Variants in CHRNB3 observed in about 807,000 individuals in gnomAD.
CHRNB3 encodes the protein cholinergic receptor nicotinic beta 3 subunit, also known as neuronal acetylcholine receptor subunit beta-3.
Under a neutral mutation model 40.6 loss-of-function variants are expected in CHRNB3, and 37 were observed. That is an observed-to-expected ratio of 0.91 (90% CI 0.70 to 1.20). The LOEUF (loss-of-function observed/expected upper bound fraction) is 1.20, where lower values mean the gene tolerates loss of function less well. Among genes scored for constraint, CHRNB3 ranks in the 50% most tolerant of loss-of-function variants. The probability of loss-of-function intolerance (pLI) is 0.00; values close to 1 mark genes in which losing one functional copy is unlikely to be tolerated. For synonymous variants in CHRNB3, 207 were observed against 207.1 expected (o/e 1.00, Z 0.00); for missense variants, 505 against 551.2 (o/e 0.92, Z 0.84).
chr8:42,722,460 C>T (rs983288287), intron 3 of CHRNB3, among the ~76,000 whole-genome samples: 18 of 152,330 alleles, frequency 1.2e-4, no homozygotes, highest in Middle Eastern at 3.4e-3. Context: ...GCCTGTGTCC[C>T]TGTGGCGCAT....
chr8:42,708,850 A>G lies in CHRNB3; in HGVS notation c.186A>G (p.Ile62Met), dbSNP rs1361392949. Residue 62 changes from isoleucine (I) to methionine (M), a missense_variant, in exon 2 of 6, where the codon ATA becomes ATG. Transcript: ENST00000289957. ...DTIKVYFGLK[I>M]SQLVDVDEKN... ...TAAAAGTATATTTTGGATTGAAAAT[A>G]TCCCAGCTTGTAGATGTGGTGAGTA... 6.2e-7 allele frequency: 1 copy of G among 1,613,242 alleles called. No homozygotes were observed. Among genetic ancestry groups the G allele is most frequent in the East Asian group, 2.2e-5 (1 of 44,892 alleles).
At chr8:42,717,066 T>G (rs1438340754) in intron 3 of CHRNB3, among the ~76,000 whole-genome samples, 1 of 151,956 alleles carries the variant, frequency 6.6e-6, no homozygotes, top group Non-Finnish European at 1.5e-5. Flanking sequence ...TGGAGCTGAT[T>G]TCCCAGGAAA....
chr8:42,701,226 C>CAAAGAAAAAA (rs1815790438), intron 1 of CHRNB3, among the ~76,000 whole-genome samples: 1 of 71,460 alleles, frequency 1.4e-5, no homozygotes, highest in Admixed American at 2.0e-4. Context: ...GACTCTGTCT[C>CAAAGAAAAAA]AAAAAAAAAA....
chr8:42,721,343 T>C (rs1377214419), intron 3 of CHRNB3, among the ~76,000 whole-genome samples: 2 of 152,206 alleles, frequency 1.3e-5, no homozygotes, highest in Non-Finnish European at 2.9e-5. Flanking sequence ...TCTGGGAGTC[T>C]CTGGGCTTCC....
chr8:42,729,271 G>C (rs964409386), intron 3 of CHRNB3, among the ~76,000 whole-genome samples: 3 of 151,964 alleles, frequency 2.0e-5, no homozygotes, highest in South Asian at 2.1e-4. Flanking sequence ...TTAGCCGGGC[G>C]TGGTGGCGGG....
At chr8:42,713,981 A>G (rs1000426782) in intron 3 of CHRNB3, among the ~76,000 whole-genome samples, 2 of 152,218 alleles carry the variant, frequency 1.3e-5, no homozygotes, top group African/African-American at 4.8e-5. Flanking sequence ...CACATTCCAG[A>G]AAACTACAGA....
At chr8:42,733,078 C>T (rs1008868362) in intron 5 of CHRNB3, among the ~76,000 whole-genome samples, 9 of 151,534 alleles carry the variant, frequency 5.9e-5, no homozygotes, top group Admixed American at 2.0e-4. Context: ...ACCTGTAATC[C>T]CAGCACTTTG....
chr8:42,721,511 C>G (rs529056927), intron 3 of CHRNB3, among the ~76,000 whole-genome samples: 1 of 152,090 alleles, frequency 6.6e-6, no homozygotes, highest in South Asian at 2.1e-4. Flanking sequence ...ATCACTTGAC[C>G]TCAGGAGCTG....
intron 3 of CHRNB3, among the ~76,000 whole-genome samples, chr8:42,728,344 G>A (rs1210075320): frequency 1.3e-5 from 2 of 152,034 alleles, no homozygotes; most frequent in Non-Finnish European, 2.9e-5. Flanking sequence ...GGGCAACATA[G>A]GCAGACTTCA....
intron 3 of CHRNB3, among the ~76,000 whole-genome samples, chr8:42,717,414 G>C (rs1816134892): frequency 1.8e-5 from 2 of 109,852 alleles, no homozygotes; most frequent in Non-Finnish European, 3.8e-5. Flanking sequence ...AAGCCGACCT[G>C]TTGTGGAAAG....
chr8:42,700,267 G>A (rs563552861), intron 1 of CHRNB3, among the ~76,000 whole-genome samples: 7 of 151,202 alleles, frequency 4.6e-5, no homozygotes, highest in South Asian at 2.1e-4. Flanking sequence ...CACCCACCTC[G>A]GCCTCCCAAA....
chr8:42,735,590 T>C (rs951310438), intron 5 of CHRNB3, among the ~76,000 whole-genome samples: 5 of 152,080 alleles, frequency 3.3e-5, no homozygotes, highest in Admixed American at 6.6e-5. Context: ...TTCTTTTTTT[T>C]CCCCAAGACG....
chr8:42,724,776 C>T (rs1278657927), intron 3 of CHRNB3, among the ~76,000 whole-genome samples: 4 of 151,996 alleles, frequency 2.6e-5, no homozygotes, highest in Non-Finnish European at 5.9e-5. Flanking sequence ...GTCAGGAGGT[C>T]GAGACCATCC....
intron 3 of CHRNB3, among the ~76,000 whole-genome samples, chr8:42,711,465 GCTCACTGCAACCTCTGC>G (rs1302026597): frequency 6.6e-6 from 1 of 151,734 alleles, no homozygotes; most frequent in Non-Finnish European, 1.5e-5. Flanking sequence ...CATGATCTCT[GCTCACTGCAACCTCTGC>G]CTCCCAGGTT....
chr8:42,704,972 G>C (rs1011993961), intron 1 of CHRNB3, among the ~76,000 whole-genome samples: 4 of 152,152 alleles, frequency 2.6e-5, no homozygotes, highest in Non-Finnish European at 4.4e-5. Context: ...CAATAGTACA[G>C]GGCTATCAGA....
chr8:42,730,695 CTT>C lies in CHRNB3; in HGVS notation c.353_354del (p.Phe118Ter), dbSNP rs749046596. ...ESLWLPDIVLFENADGRFEGS... is the reference protein window; with the variant it reads ...ESLWLPDIVLXENADGRFEGS... ...CTCTGTGGCTTCCTGACATAGTTCT[CTT>C]TGAAAAGTAAGTATCACATTGTTTC... is the stretch of plus-strand genomic sequence containing the variant. On this transcript the variant is annotated frameshift_variant, in exon 4 of 6. Transcript: ENST00000289957. LOFTEE classifies it high-confidence loss of function. 1.3e-5 allele frequency: 20 copies of C among 1,581,178 alleles called. No homozygotes were observed. The Admixed American group carries it at 3.3e-4, about 26-fold the overall frequency.
At chr8:42,722,757 G>A (rs1049642500) in intron 3 of CHRNB3, among the ~76,000 whole-genome samples, 6 of 152,152 alleles carry the variant, frequency 3.9e-5, no homozygotes, top group South Asian at 2.1e-4. Flanking sequence ...TTGAAGAGAT[G>A]GGGTTTCCCT....
intron 3 of CHRNB3, among the ~76,000 whole-genome samples, chr8:42,722,854 C>T (rs772693445): frequency 2.6e-5 from 4 of 152,138 alleles, no homozygotes; most frequent in Non-Finnish European, 4.4e-5. Flanking sequence ...CAGATGTGAG[C>T]CACCTTGCCC....
At chr8:42,733,219 T>C (rs1049847953) in intron 5 of CHRNB3, among the ~76,000 whole-genome samples, 1 of 151,758 alleles carries the variant, frequency 6.6e-6, no homozygotes, top group Non-Finnish European at 1.5e-5. Flanking sequence ...CCTAGCACTT[T>C]GGGAGGCTGA....
Sources: allele counts gnomAD v4.1 joint callset (sites outside exome capture counted in the v4.1 genomes callset), GRCh38; gene constraint gnomAD v4.1.1; transcripts MANE v1.5; gene names NCBI Gene and HGNC (gene_info 2026-07-23, HGNC 2026-07-21).